Variants in ZNF33A observed in about 807,000 individuals in gnomAD.
ZNF33A encodes zinc finger protein 33A.
Under a neutral mutation model 15.9 loss-of-function variants are expected in ZNF33A, and 9 were observed. That is an observed-to-expected ratio of 0.57 (90% CI 0.34 to 0.99). The LOEUF (loss-of-function observed/expected upper bound fraction) is 0.99, where lower values mean the gene tolerates loss of function less well. Ranked by LOEUF, ZNF33A falls within the 50% of genes least tolerant of loss-of-function variation. ZNF33A has a pLI of 0.02. For missense variants in ZNF33A, 843 were observed against 941.6 expected (o/e 0.90, Z 1.37); for synonymous variants, 294 against 324.2 (o/e 0.91, Z 1.00).
chr10:38,052,867 A>AT lies in ZNF33A; in HGVS notation c.251-1507dup, dbSNP rs370357405. The stretch of plus-strand genomic sequence containing the variant: ...CCCAGGTTCATGATGGTTCCTTTGA[A>AT]TATGTGGATCAGGTCTTTTATTTTT... On this transcript the variant is annotated intron_variant, in intron 4 of 4. Coordinates refer to ENST00000432900, the MANE Select transcript of ZNF33A (RefSeq NM_006954.2). Among the ~76,000 whole-genome samples the AT allele has an allele frequency of 9.0e-3, 1,373 of 152,058 alleles. 8 individuals carry two copies. The highest frequency in any genetic ancestry group is 0.021 in the Middle Eastern group (6 of 292).
intron 4 of ZNF33A, among the ~76,000 whole-genome samples, chr10:38,026,975 A>C (rs2065016286): frequency 2.0e-5 from 3 of 152,180 alleles, no homozygotes; most frequent in African/African-American, 2.4e-5. Flanking sequence ...CTGAAAGAAA[A>C]GGCTTTTCTT....
downstream of ZNF33A, chr10:38,064,645 A>G (rs368202365): frequency 5.9e-3 from 896 of 152,576 alleles, 6 homozygotes; most frequent in Non-Finnish European, 6.8e-3. Context: ...AGAGCTGGCC[A>G]AAGGGTGTGT....
downstream of ZNF33A, among the ~76,000 whole-genome samples, chr10:38,065,911 A>G (rs749911221): frequency 3.2e-4 from 49 of 152,086 alleles, no homozygotes; most frequent in Non-Finnish European, 6.0e-4. Context: ...AGGTTTCACC[A>G]TACTGGCCAG....
chr10:38,014,532 A>G (rs2064355780), intron 2 of ZNF33A, among the ~76,000 whole-genome samples: 1 of 152,194 alleles, frequency 6.6e-6, no homozygotes, highest in Admixed American at 6.5e-5. Flanking sequence ...ATGAGTGTCT[A>G]CTTCTGTATG....
chr10:38,048,911 C>T (rs1024472174), intron 4 of ZNF33A, among the ~76,000 whole-genome samples: 5 of 152,102 alleles, frequency 3.3e-5, no homozygotes, highest in Admixed American at 3.3e-4. Flanking sequence ...ACTTAATTGA[C>T]ATTTATAAAA....
In ZNF33A at chr10:38,056,688, C is replaced by T; in HGVS notation, c.*128C>T. On this transcript the variant is annotated 3_prime_UTR_variant, in exon 5 of 5. Coordinates refer to ENST00000432900, the MANE Select transcript of ZNF33A (RefSeq NM_006954.2). ...TGTAATATCAGATGGTTAATACGGG[C>T]ATAACACCTTACAGATTTTTTTTGA... The T allele has an allele frequency of 3.1e-6, 4 of 1,297,868 alleles. No individual in the cohort carries two copies. The highest frequency in any genetic ancestry group is 2.9e-6 in the Non-Finnish European group (3 of 1,023,192). 80.4% of individuals were successfully genotyped at this position (1,297,868 alleles called of 1,614,324 possible).
intron 4 of ZNF33A, among the ~76,000 whole-genome samples, chr10:38,049,442 A>G (rs934078216): frequency 3.3e-4 from 50 of 152,120 alleles, no homozygotes; most frequent in African/African-American, 1.2e-3. Context: ...AGGCAACACA[A>G]ATATGCATTG....
At chr10:38,028,251 G>C (rs1477212483) in intron 4 of ZNF33A, among the ~76,000 whole-genome samples, 1 of 152,016 alleles carries the variant, frequency 6.6e-6, no homozygotes, top group African/African-American at 2.4e-5. Flanking sequence ...CTAGGTGACA[G>C]AGCAAGATCC....
In ZNF33A at chr10:38,010,793, A is replaced by G; in HGVS notation, c.-45+10A>G. On this transcript the variant is annotated intron_variant, in intron 1 of 4. Transcript: ENST00000432900. ...CCGACGAGGGAGTGGGGTAAGCCCC[A>G]GTGGGTTGGGCAGGGAGAGAGAGGG... 1 of 1,596,660 alleles carries G rather than the reference A, an allele frequency of 6.3e-7. No homozygotes were observed. Among genetic ancestry groups the G allele is most frequent in the Middle Eastern group, 1.7e-4 (1 of 6,054 alleles).
rs570476495 is a variant in ZNF33A, at chr10:38,030,433, T to C, written c.250+13047T>C. 3.3e-5 allele frequency among the ~76,000 whole-genome samples: 5 copies of C among 152,312 alleles called. No homozygotes were observed. In the East Asian group the frequency reaches 9.6e-4, roughly 29 times the overall value. On this transcript the variant is annotated intron_variant, in intron 4 of 4. Transcript: ENST00000432900. ...TGAATGGCCAATACATGTAACATTA[T>C]GGATGAATCTCAAGAGATTAAGCTG...
chr10:38,030,491 T>C (rs2065166309), intron 4 of ZNF33A, among the ~76,000 whole-genome samples: 1 of 152,174 alleles, frequency 6.6e-6, no homozygotes, highest in Admixed American at 6.5e-5. Context: ...AAAATTTACA[T>C]ATTTGTTCTG....
intron 4 of ZNF33A, among the ~76,000 whole-genome samples, chr10:38,046,863 C>T (rs1022445117): frequency 6.6e-6 from 1 of 152,038 alleles, no homozygotes; most frequent in Non-Finnish European, 1.5e-5. Context: ...GAAATGAATA[C>T]TATAATGCTT....
chr10:38,022,237 A>G (rs542020803), intron 4 of ZNF33A, among the ~76,000 whole-genome samples: 3 of 152,370 alleles, frequency 2.0e-5, no homozygotes, highest in East Asian at 1.9e-4. Context: ...ACGTCTAGCA[A>G]TATTGATTTA....
At chr10:38,011,689 T>C (rs1246930827) in intron 1 of ZNF33A, among the ~76,000 whole-genome samples, 1 of 152,232 alleles carries the variant, frequency 6.6e-6, no homozygotes, top group Non-Finnish European at 1.5e-5. Flanking sequence ...TCACAGTTAG[T>C]AGGGAAGACT....
chr10:38,020,918 C>G (rs1262601846), intron 4 of ZNF33A, among the ~76,000 whole-genome samples: 1 of 152,156 alleles, frequency 6.6e-6, no homozygotes, highest in Non-Finnish European at 1.5e-5. Context: ...CCAAACTGTT[C>G]TCTTTCAGCC....
chr10:38,017,580 A>T (rs887692507), intron 4 of ZNF33A, 194 bp downstream of exon 4: 5 of 428,006 alleles, frequency 1.2e-5, no homozygotes, highest in African/African-American at 1.0e-4. Context: ...TCCTTTTTGA[A>T]TCGTTTTTTG....
intron 4 of ZNF33A, among the ~76,000 whole-genome samples, chr10:38,027,267 A>G (rs140566404): frequency 3.9e-5 from 6 of 152,028 alleles, no homozygotes; most frequent in East Asian, 1.9e-4. Context: ...ATACCATTAA[A>G]TATATTTTAC....
At chr10:38,046,194 G>C (rs1450412296) in intron 4 of ZNF33A, among the ~76,000 whole-genome samples, 1 of 152,192 alleles carries the variant, frequency 6.6e-6, no homozygotes, top group Non-Finnish European at 1.5e-5. Flanking sequence ...GCAGGAGATA[G>C]ATGCACACAG....
chr10:38,050,335 A>C (rs1219149567), intron 4 of ZNF33A, among the ~76,000 whole-genome samples: 1 of 152,216 alleles, frequency 6.6e-6, no homozygotes, highest in Non-Finnish European at 1.5e-5. Flanking sequence ...AGGCTTTTTC[A>C]ACATTTGAAA....
Sources: allele counts gnomAD v4.1 joint callset (sites outside exome capture counted in the v4.1 genomes callset), GRCh38; gene constraint gnomAD v4.1.1; transcripts MANE v1.5; gene names NCBI Gene and HGNC (gene_info 2026-07-23, HGNC 2026-07-21).